AGBL4: variants seen among roughly 807,000 people sequenced by gnomAD.
The protein encoded by AGBL4 is cytosolic carboxypeptidase 6.
Under a neutral mutation model 66.4 loss-of-function variants are expected in AGBL4, and 58 were observed. That is an observed-to-expected ratio of 0.87 (90% CI 0.71 to 1.09). The LOEUF is 1.09. Among genes scored for constraint, AGBL4 ranks in the 50% least tolerant of loss-of-function variants. AGBL4 has a pLI of 0.00. For synonymous variants in AGBL4, 234 were observed against 222.9 expected (o/e 1.05, Z -0.44); for missense variants, 579 against 631.0 (o/e 0.92, Z 0.88).
chr1:49,657,975 AGCAAT>A (rs1646181313), intron 3 of AGBL4, among the ~76,000 whole-genome samples: 1 of 152,228 alleles, frequency 6.6e-6, no homozygotes, highest in Admixed American at 6.5e-5. Context: ...AAACACCAAA[AGCAAT>A]GGCAACCAAA....
chr1:48,949,108 A>G (rs952175711), intron 5 of AGBL4, among the ~76,000 whole-genome samples: 12 of 152,234 alleles, frequency 7.9e-5, no homozygotes, highest in Non-Finnish European at 1.5e-4. Context: ...GCCCACTTCA[A>G]GTATCTAAAG....
At chr1:49,187,124 C>A (rs1647029488) in intron 4 of AGBL4, 1 of 152,130 alleles carries the variant, frequency 6.6e-6, no homozygotes, top group African/African-American at 2.4e-5. Flanking sequence ...GCTAAAGCAC[C>A]CTTTTTTTGT....
intron 2 of AGBL4, among the ~76,000 whole-genome samples, chr1:49,800,246 G>C (rs879296196): frequency 6.6e-6 from 1 of 152,042 alleles, no homozygotes; most frequent in Non-Finnish European, 1.5e-5. Context: ...GTGATTACAA[G>C]TACATGATTT....
At chr1:48,846,758 GGAAA>G (rs1454944183) in intron 6 of AGBL4, among the ~76,000 whole-genome samples, 1 of 152,064 alleles carries the variant, frequency 6.6e-6, no homozygotes, top group African/African-American at 2.4e-5. Context: ...AGGCTCAGCA[GGAAA>G]GAGTTTACTG....
In AGBL4 at chr1:49,359,829, T is replaced by C. The variant is rs12025719; in HGVS notation, c.283-113965A>G. Among the ~76,000 whole-genome samples the C allele has an allele frequency of 8.0e-3, 1,216 of 152,036 alleles. 8 individuals are homozygous for C. The highest frequency in any genetic ancestry group is 0.031 in the Middle Eastern group (9 of 294). ...CCCTCATTTTACTCACAGTCACATA[T>C]TACTGGTATGCTGAAGGTAACCAAC... On this transcript the variant is annotated intron_variant, in intron 3 of 13. Transcript: ENST00000371839.
At chr1:48,866,477 C>A (rs890748328) in intron 6 of AGBL4, among the ~76,000 whole-genome samples, 2 of 152,178 alleles carry the variant, frequency 1.3e-5, no homozygotes, top group Non-Finnish European at 2.9e-5. Context: ...AAGATAACCA[C>A]CACATCAACT....
chr1:49,376,363 C>G (rs1357998904), intron 3 of AGBL4, among the ~76,000 whole-genome samples: 1 of 152,014 alleles, frequency 6.6e-6, no homozygotes, highest in African/African-American at 2.4e-5. Context: ...CTCTTCCTAT[C>G]TAGATTTGGC....
chr1:49,067,782 G>C (rs1359047837), intron 4 of AGBL4, among the ~76,000 whole-genome samples: 1 of 151,700 alleles, frequency 6.6e-6, no homozygotes, highest in African/African-American at 2.4e-5. Context: ...TATACTTTAA[G>C]TTCTAGGGTA....
intron 1 of AGBL4, among the ~76,000 whole-genome samples, chr1:49,917,565 A>G (rs537047007): frequency 6.6e-6 from 1 of 152,304 alleles, no homozygotes; most frequent in African/African-American, 2.4e-5. Flanking sequence ...CCATTACAGG[A>G]GCACCAAGAT....
chr1:49,870,318 T>C (rs1646807021), intron 1 of AGBL4, among the ~76,000 whole-genome samples: 1 of 152,138 alleles, frequency 6.6e-6, no homozygotes, highest in Non-Finnish European at 1.5e-5. Context: ...AAATGGTATG[T>C]TGACAGTGAA....
At chr1:48,682,750 T>G (rs987572247) in intron 6 of AGBL4, among the ~76,000 whole-genome samples, 2 of 152,162 alleles carry the variant, frequency 1.3e-5, no homozygotes, top group Non-Finnish European at 2.9e-5. Context: ...ATACAATAAA[T>G]GCATGATACA....
intron 2 of AGBL4, among the ~76,000 whole-genome samples, chr1:49,753,874 C>T (rs75650674): frequency 9.6e-4 from 146 of 152,272 alleles, no homozygotes; most frequent in African/African-American, 3.4e-3. Flanking sequence ...TATTGATACT[C>T]ATGTATGCTT....
intron 5 of AGBL4, among the ~76,000 whole-genome samples, chr1:48,912,019 A>G (rs1653171799): frequency 6.6e-6 from 1 of 152,164 alleles, no homozygotes; most frequent in Admixed American, 6.5e-5. Context: ...ATTTCCCTCT[A>G]TTTAATATTA....
intron 1 of AGBL4, among the ~76,000 whole-genome samples, chr1:49,964,416 G>C (rs1209033807): frequency 1.3e-5 from 2 of 152,066 alleles, no homozygotes; most frequent in Non-Finnish European, 2.9e-5. Flanking sequence ...AGTACCTGAA[G>C]ACCTGATCAA....
intron 4 of AGBL4, among the ~76,000 whole-genome samples, chr1:49,224,559 G>C (rs552270486): frequency 2.0e-5 from 3 of 148,834 alleles, no homozygotes; most frequent in African/African-American, 7.4e-5. Context: ...AGAGCTTGCA[G>C]TGAGCCCAGA....
chr1:49,940,369 A>G (rs867466081), intron 1 of AGBL4, among the ~76,000 whole-genome samples: 6 of 152,362 alleles, frequency 3.9e-5, no homozygotes, highest in Middle Eastern at 3.4e-3. Context: ...CCAAAGGACT[A>G]TAAATCATGC....
At chr1:49,290,895 A>G (rs1414548587) in intron 3 of AGBL4, among the ~76,000 whole-genome samples, 2 of 152,230 alleles carry the variant, frequency 1.3e-5, no homozygotes, top group Non-Finnish European at 2.9e-5. Context: ...CTGCAGTCCC[A>G]GCTGCTTTGG....
intron 3 of AGBL4, among the ~76,000 whole-genome samples, chr1:49,474,716 T>C (rs567799318): frequency 8.5e-5 from 13 of 152,190 alleles, no homozygotes; most frequent in African/African-American, 2.9e-4. Context: ...CAGGGTTTTA[T>C]AGGTATAAAA....
At chr1:48,863,146 T>C (rs988675222) in intron 6 of AGBL4, among the ~76,000 whole-genome samples, 46 of 152,198 alleles carry the variant, frequency 3.0e-4, no homozygotes, top group African/African-American at 1.1e-3. Context: ...AATAGGTGGT[T>C]AAAGCATGTA....
Sources: gnomAD v4.1 joint callset for allele counts (sites outside exome capture counted in the v4.1 genomes callset) on GRCh38, gnomAD v4.1.1 for gene constraint, MANE v1.5 for transcripts, NCBI Gene and HGNC (gene_info 2026-07-23, HGNC 2026-07-21) for gene names.